The following LVRN variants were observed in gnomAD, a reference collection of about 807,000 sequenced individuals.
LVRN encodes the protein aminopeptidase Q.
LVRN carries 99 observed loss-of-function variants against 111.4 expected under a neutral mutation model. The ratio of observed to expected loss-of-function variants is 0.89; its 90% CI spans 0.76 to 1.05. LVRN has a LOEUF of 1.05. Among genes scored for constraint, LVRN ranks in the 50% least tolerant of loss-of-function variants. LVRN has a pLI of 0.00. For missense variants in LVRN, 1,414 were observed against 1,206.8 expected (o/e 1.17, Z -2.54); for synonymous variants, 488 against 449.5 (o/e 1.09, Z -1.08).
At chr5:115,971,982 G>T (rs1163063747) in intron 1 of LVRN, among the ~76,000 whole-genome samples, 2 of 151,906 alleles carry the variant, frequency 1.3e-5, no homozygotes, top group Non-Finnish European at 2.9e-5. Context: ...ACTTATTTAG[G>T]TCTTCTTTAC....
rs940733937 is a variant in LVRN, at chr5:115,962,519, A to T, written c.-99A>T. On this transcript the variant is annotated 5_prime_UTR_variant, in exon 1 of 20. Transcript: ENST00000357872. ...AGGAGGAAGAGGCACGATACAAGAG[A>T]GGAGGGGCAGGGGTCGCAGCACTGA... 5 of 1,066,940 alleles carry T rather than the reference A, an allele frequency of 4.7e-6. No individual in the cohort carries two copies. The highest frequency in any genetic ancestry group is 5.5e-6 in the Non-Finnish European group (4 of 724,510). The allele number at this position is 1,066,940 out of a possible 1,614,324, so 66.1% of individuals were successfully genotyped here. A position where few individuals can be genotyped will look rare whatever the true frequency, so the allele number is the denominator to read the frequency against.
chr5:116,022,076 C>A, intron 18 of LVRN: 1 of 229,834 alleles, frequency 4.4e-6, no homozygotes, highest in Non-Finnish European at 8.4e-6. Flanking sequence ...TTATTTATTC[C>A]CTTAGAAATT....
In LVRN at chr5:116,000,516, T is replaced by A. The variant is rs1488327475; in HGVS notation, c.1581+18T>A. 6.2e-7 allele frequency: 1 copy of A among 1,613,832 alleles called. No homozygotes were observed. The highest frequency in any genetic ancestry group is 1.7e-5 in the Admixed American group (1 of 60,028). ...CACTCAAGGTGAGTTTGCAAAATAG[T>A]CGTTACCTGGATGGCAGTAAACATA... On this transcript the variant is annotated intron_variant, in intron 8 of 19. Coordinates refer to ENST00000357872, the MANE Select transcript of LVRN (RefSeq NM_173800.5).
chr5:115,981,959 G>C (rs925468645), intron 1 of LVRN, among the ~76,000 whole-genome samples: 1 of 152,122 alleles, frequency 6.6e-6, no homozygotes, highest in African/African-American at 2.4e-5. Flanking sequence ...TTTTCTAGGT[G>C]GGGAAACTGG....
intron 1 of LVRN, among the ~76,000 whole-genome samples, chr5:115,978,111 T>A (rs946800928): frequency 6.6e-6 from 1 of 152,192 alleles, no homozygotes; most frequent in Non-Finnish European, 1.5e-5. Flanking sequence ...TTGCTGTTTA[T>A]GCTAGGAAAT....
Position 116,014,317 on chromosome 5 carries a change from A to T in LVRN, c.2343-103A>T. On this transcript the variant is annotated intron_variant, in intron 15 of 19. Coordinates refer to ENST00000357872, the MANE Select transcript of LVRN (RefSeq NM_173800.5). ...ACAAACCTGATGTCATTGAAAGGAT[A>T]TTTAAAAATACCCATCTTTTTATGA... The T allele has an allele frequency of 6.2e-6, 5 of 800,870 alleles. No homozygotes were observed. The South Asian group carries it at 8.8e-5, about 14-fold the overall frequency. 49.6% of individuals were successfully genotyped at this position (800,870 alleles called of 1,614,324 possible).
chr5:115,965,086 A>G (rs1753174811), intron 1 of LVRN, among the ~76,000 whole-genome samples: 1 of 152,218 alleles, frequency 6.6e-6, no homozygotes, highest in African/African-American at 2.4e-5. Context: ...GAATAGATAT[A>G]ATAACTGTCA....
chr5:116,012,616 T>C (rs555431104), intron 15 of LVRN, 148 bp downstream of exon 15: 13 of 538,056 alleles, frequency 2.4e-5, no homozygotes, highest in African/African-American at 2.0e-4. Flanking sequence ...CAGAGGTTGG[T>C]GGGCTACATG....
chr5:115,994,721 A>C (rs1335743116), intron 6 of LVRN, among the ~76,000 whole-genome samples: 3 of 152,222 alleles, frequency 2.0e-5, no homozygotes, highest in Non-Finnish European at 4.4e-5. Context: ...TCAATGTGAA[A>C]ATCTAATTCT....
intron 18 of LVRN, among the ~76,000 whole-genome samples, chr5:116,019,124 T>C (rs1287623448): frequency 6.6e-6 from 1 of 152,222 alleles, no homozygotes. Flanking sequence ...TGGTATAGTC[T>C]ATTGCTCCTA....
In LVRN at chr5:115,963,026, T is replaced by C; in HGVS notation, c.409T>C (p.Cys137Arg). 6.2e-7 allele frequency: 1 copy of C among 1,613,594 alleles called. No homozygotes were observed. The highest frequency in any genetic ancestry group is 8.5e-7 in the Non-Finnish European group (1 of 1,179,898). ...FTGRVNITVR[C>R]TVATSRLLLH... is the part of the protein sequence containing the mutation. ...TGGCCGCGTGAACATCACGGTGCGCTGCACGGTGGCCACCTCTCGACTGCT... is the reference window on the plus strand; with the variant it reads ...TGGCCGCGTGAACATCACGGTGCGCCGCACGGTGGCCACCTCTCGACTGCT... Residue 137 changes from cysteine to arginine, a missense_variant, in exon 1 of 20, where the codon TGC (cysteine) becomes CGC (arginine). Coordinates refer to ENST00000357872, the MANE Select transcript of LVRN (RefSeq NM_173800.5).
At chr5:115,998,737 A>G (rs536927088) in intron 6 of LVRN, among the ~76,000 whole-genome samples, 24 of 152,296 alleles carry the variant, frequency 1.6e-4, no homozygotes, top group Middle Eastern at 3.4e-3. Context: ...AACCCAAACC[A>G]ACTGAATCAG....
At chr5:115,995,163 G>A (rs773452683) in intron 6 of LVRN, among the ~76,000 whole-genome samples, 12 of 152,070 alleles carry the variant, frequency 7.9e-5, no homozygotes, top group Non-Finnish European at 1.3e-4. Flanking sequence ...GATGATATTC[G>A]TCCTATTATT....
chr5:116,000,975 G>T, intron 9 of LVRN, 92 bp from the exon 10 acceptor site: 1 of 1,401,958 alleles, frequency 7.1e-7, no homozygotes, highest in East Asian at 2.3e-5. Context: ...AAGTGAGGAA[G>T]AGAATAGCTA....
chr5:115,966,446 G>A (rs182494070), intron 1 of LVRN, among the ~76,000 whole-genome samples: 4 of 152,280 alleles, frequency 2.6e-5, no homozygotes, highest in Admixed American at 6.5e-5. Flanking sequence ...GTCATTCATC[G>A]ATTGAGGGTT....
At chr5:116,008,505 C>T (rs926130392) in intron 13 of LVRN, among the ~76,000 whole-genome samples, 2 of 151,514 alleles carry the variant, frequency 1.3e-5, no homozygotes, top group Admixed American at 1.3e-4. Context: ...TGAGATAGGC[C>T]GAAACTAGGA....
chr5:116,015,677 A>C lies in LVRN; in HGVS notation c.2668A>C (p.Asn890His). The C allele has an allele frequency of 6.2e-7, 1 of 1,613,384 alleles. No homozygotes were observed. The highest frequency in any genetic ancestry group is 8.5e-7 in the Non-Finnish European group (1 of 1,179,586). ...ATCTCCATTCACTTCTAATGAAACA[A>C]ATATAATTGAGGTTGTGGCTTCATC... is the stretch of plus-strand genomic sequence containing the variant. Reference protein sequence around the residue: ...STSPFTSNETNIIEVVASSEV... With the variant: ...STSPFTSNETHIIEVVASSEV... The change falls in exon 18 of 20, where the codon AAT (asparagine) becomes CAT (histidine). Residue 890 changes from asparagine to histidine, a missense_variant. By Grantham distance (68) the Asn-to-His change is moderately conservative (BLOSUM62 1). Coordinates refer to ENST00000357872, the MANE Select transcript of LVRN (RefSeq NM_173800.5).
At chr5:115,984,543 G>A (rs536743494) in intron 2 of LVRN, 27 bp from the exon 3 acceptor site, 3 of 1,610,966 alleles carry the variant, frequency 1.9e-6, no homozygotes, top group Admixed American at 3.3e-5. Flanking sequence ...GATTTGCTGT[G>A]ATTTGAACTA....
rs1439852371 is a variant in LVRN at position 116,027,199 on chromosome 5, C to G, written c.*1081C>G. On this transcript the variant is annotated 3_prime_UTR_variant, in exon 20 of 20. Transcript: ENST00000357872. ...ACAACTAAAGCTAATCATTCCTCTT[C>G]TAGACTTTGTGTATATGATTTAATC... 6.6e-6 allele frequency: 1 copy of G among 152,148 alleles called. No homozygotes were observed. The highest frequency in any genetic ancestry group is 6.6e-5 in the Admixed American group (1 of 15,266). The allele number at this position is 152,148 out of a possible 1,614,324, so 9.4% of individuals were successfully genotyped here. A position where few individuals can be genotyped will look rare whatever the true frequency, so the allele number is the denominator to read the frequency against.
Sources: allele counts gnomAD v4.1 joint callset (sites outside exome capture counted in the v4.1 genomes callset), GRCh38; gene constraint gnomAD v4.1.1; transcripts MANE v1.5; gene names NCBI Gene and HGNC (gene_info 2026-07-23, HGNC 2026-07-21).